Variants in DOCK2 observed in about 807,000 individuals in gnomAD.
DOCK2 encodes the protein dedicator of cytokinesis 2.
Under a neutral mutation model 248.9 loss-of-function variants are expected in DOCK2, and 87 were observed. The observed-to-expected ratio is 0.35, with a 90% confidence interval of 0.29 to 0.42. The LOEUF (loss-of-function observed/expected upper bound fraction) is 0.42. Ranked by LOEUF, DOCK2 falls within the 10% of genes least tolerant of loss-of-function variation. The probability of loss-of-function intolerance (pLI) is 1.00; values close to 1 mark genes in which losing one functional copy is unlikely to be tolerated. For missense variants in DOCK2, 1,747 were observed against 2,300.2 expected, an observed-to-expected ratio of 0.76 and a Z score of 4.92; for synonymous variants, 805 against 821.6, an observed-to-expected ratio of 0.98 and a Z score of 0.35.
chr5:169,657,977 G>A (rs1256093495), intron 2 of DOCK2, among the ~76,000 whole-genome samples: 1 of 152,014 alleles, frequency 6.6e-6, no homozygotes, highest in Non-Finnish European at 1.5e-5. Context: ...GAAGATAATA[G>A]CTAACTCAAT....
At chr5:169,804,495 CGT>C (rs61372234) in intron 26 of DOCK2, among the ~76,000 whole-genome samples, 31,328 of 141,432 alleles carry the variant, frequency 0.22, 4,054 homozygotes, top group East Asian at 0.42. Flanking sequence ...TGCGCGCGCG[CGT>C]GCGCGTAAGC....
Position 169,683,229 on chromosome 5 carries a change from A to AT in DOCK2, c.607-959dup, listed in dbSNP as rs1057357039. On this transcript the variant is annotated intron_variant, in intron 7 of 51. Coordinates refer to ENST00000520908, the MANE Select transcript of DOCK2 (RefSeq NM_004946.3). The stretch of plus-strand genomic sequence containing the variant: ...TGCTGTTTCTCAAAATGGCTGTACA[A>AT]TTTTTTTTGTTTTTTTGAGACAGGG... Among the ~76,000 whole-genome samples the AT allele has an allele frequency of 3.0e-4, 45 of 151,918 alleles. No individual in the cohort carries two copies. In the East Asian group the frequency reaches 3.9e-3, roughly 13 times the overall value.
At chr5:169,861,947 T>C (rs113522102) in intron 27 of DOCK2, among the ~76,000 whole-genome samples, 2,090 of 151,938 alleles carry the variant, frequency 0.014, 22 homozygotes, top group Middle Eastern at 0.054. Context: ...TCTTTTTTTT[T>C]TGTTGGGGAA....
In DOCK2 at chr5:169,704,791, G is replaced by A. The variant is rs866440530; in HGVS notation, c.1383+2364G>A. Among the ~76,000 whole-genome samples, 1,271 of 141,972 alleles carry A rather than the reference G, an allele frequency of 9.0e-3. 22 individuals are homozygous for A. Among genetic ancestry groups the A allele is most frequent in the African/African-American group, 0.033 (1,220 of 36,758 alleles). 93.1% of individuals were successfully genotyped at this position (141,972 alleles called of 152,430 possible). On this transcript the variant is annotated intron_variant, in intron 14 of 51. Coordinates refer to ENST00000520908, the MANE Select transcript of DOCK2 (RefSeq NM_004946.3). The stretch of plus-strand genomic sequence containing the variant: ...TGTGTGTGTGTGTGTGTGTGTGTGT[G>A]TGTGTGTGTGTGTGTATGTGTATGC...
chr5:169,734,324 G>A (rs1383103473), intron 22 of DOCK2, among the ~76,000 whole-genome samples: 8 of 152,134 alleles, frequency 5.3e-5, no homozygotes, highest in Non-Finnish European at 1.5e-5. Flanking sequence ...AGTGTGCTGG[G>A]TTTGTACACT....
chr5:169,888,988 A>G (rs1773134504), intron 27 of DOCK2, among the ~76,000 whole-genome samples: 1 of 152,154 alleles, frequency 6.6e-6, no homozygotes, highest in Admixed American at 6.5e-5. Flanking sequence ...TTGTCTCTCT[A>G]TATTGTGATG....
intron 25 of DOCK2, among the ~76,000 whole-genome samples, chr5:169,762,202 C>T (rs1254584253): frequency 6.6e-6 from 1 of 152,176 alleles, no homozygotes; most frequent in Admixed American, 6.5e-5. Context: ...CCAGTCCCTT[C>T]TCTGTGGCAA....
At chr5:169,953,059 C>T (rs1261856613) in intron 27 of DOCK2, among the ~76,000 whole-genome samples, 1 of 152,174 alleles carries the variant, frequency 6.6e-6, no homozygotes, top group Non-Finnish European at 1.5e-5. Flanking sequence ...CACGGTGGCT[C>T]ATACCTGTAA....
chr5:170,034,299 G>A (rs1756244548), intron 34 of DOCK2, 100 bp from the exon 35 acceptor site: 3 of 1,458,330 alleles, frequency 2.1e-6, no homozygotes, highest in Admixed American at 4.0e-5. Context: ...AACTTGGGTT[G>A]ACTGACTGAT....
intron 32 of DOCK2, among the ~76,000 whole-genome samples, chr5:170,016,643 G>C (rs544589990): frequency 2.6e-5 from 4 of 152,312 alleles, no homozygotes; most frequent in African/African-American, 9.6e-5. Flanking sequence ...CAGCATGTCT[G>C]CCCTTTATTT....
At chr5:169,956,407 A>C (rs1300350266) in intron 27 of DOCK2, among the ~76,000 whole-genome samples, 1 of 152,204 alleles carries the variant, frequency 6.6e-6, no homozygotes. Flanking sequence ...TCTTCCCTCC[A>C]GTCCCTCTCT....
chr5:170,077,614 A>G (rs968016771), intron 47 of DOCK2, 96 bp from the exon 48 acceptor site: 8 of 1,556,980 alleles, frequency 5.1e-6, no homozygotes, highest in African/African-American at 2.7e-5. Context: ...CAGCCCCACA[A>G]CTCTGCCCTG....
intron 29 of DOCK2, among the ~76,000 whole-genome samples, chr5:169,986,446 A>G (rs900684592): frequency 1.3e-5 from 2 of 152,172 alleles, no homozygotes; most frequent in Non-Finnish European, 2.9e-5. Context: ...GTGTGTATCT[A>G]TAATACCCGT....
intron 22 of DOCK2, among the ~76,000 whole-genome samples, chr5:169,742,950 T>G (rs931100562): frequency 9.9e-5 from 15 of 152,202 alleles, no homozygotes; most frequent in African/African-American, 3.4e-4. Context: ...TTAGGGCCCT[T>G]CAATAATTTG....
intron 25 of DOCK2, among the ~76,000 whole-genome samples, chr5:169,791,550 A>G (rs1766337891): frequency 1.3e-5 from 2 of 152,342 alleles, no homozygotes; most frequent in South Asian, 4.1e-4. Flanking sequence ...GGCCAACTTA[A>G]GGGAGTTAAC....
intron 27 of DOCK2, among the ~76,000 whole-genome samples, chr5:169,968,568 T>C (rs1015397156): frequency 1.3e-5 from 2 of 152,212 alleles, no homozygotes; most frequent in Non-Finnish European, 2.9e-5. Flanking sequence ...AATATCCCTA[T>C]GGAGTTCGTG....
intron 32 of DOCK2, among the ~76,000 whole-genome samples, chr5:170,009,427 G>A (rs35938916): frequency 0.04 from 6,088 of 152,218 alleles, 172 homozygotes; most frequent in South Asian, 0.11. Context: ...TCAAACAGCT[G>A]GAAGCCTCCA....
At chr5:169,813,937 C>A (rs1484858674) in intron 26 of DOCK2, among the ~76,000 whole-genome samples, 11 of 152,172 alleles carry the variant, frequency 7.2e-5, no homozygotes, top group African/African-American at 2.4e-4. Flanking sequence ...AGATTGTCGT[C>A]TTTCACCTGG....
chr5:169,854,608 G>T (rs1013960533), intron 27 of DOCK2, among the ~76,000 whole-genome samples: 1 of 152,250 alleles, frequency 6.6e-6, no homozygotes, highest in Non-Finnish European at 1.5e-5. Context: ...TCAAAATTAT[G>T]CAGAAAGTCA....
Sources: gnomAD v4.1 joint callset for allele counts (sites outside exome capture counted in the v4.1 genomes callset) on GRCh38, gnomAD v4.1.1 for gene constraint, MANE v1.5 for transcripts, NCBI Gene and HGNC (gene_info 2026-07-23, HGNC 2026-07-21) for gene names.